PRSS48: variants seen among roughly 807,000 people sequenced by gnomAD.
PRSS48 encodes the protein epidermis-specific serine protease-like protein.
PRSS48 carries 21 observed loss-of-function variants against 25.6 expected under a neutral mutation model. The ratio of observed to expected loss-of-function variants is 0.82; its 90% CI spans 0.58 to 1.18. The LOEUF (loss-of-function observed/expected upper bound fraction) is 1.18. Ranked by LOEUF, PRSS48 falls within the 50% of genes most tolerant of loss-of-function variation. The probability of loss-of-function intolerance (pLI) is 0.00; values close to 1 mark genes in which losing one functional copy is unlikely to be tolerated. For synonymous variants in PRSS48, 150 were observed against 149.3 expected (o/e 1.00, Z -0.04); for missense variants, 373 against 399.3 (o/e 0.93, Z 0.56).
At chr4:151,278,211 T>C (rs527866058) in intron 1 of PRSS48, among the ~76,000 whole-genome samples, 1 of 152,182 alleles carries the variant, frequency 6.6e-6, no homozygotes, top group Non-Finnish European at 1.5e-5. Flanking sequence ...TAAACTAACA[T>C]ACTTCATATT....
chr4:151,280,044 A>AG, intron 2 of PRSS48, 86 bp downstream of exon 2: 1 of 763,236 alleles, frequency 1.3e-6, no homozygotes. Flanking sequence ...GACAAATGAA[A>AG]GTGGTAAAAT....
intron 3 of PRSS48, among the ~76,000 whole-genome samples, chr4:151,282,795 A>G (rs1412943475): frequency 6.6e-6 from 1 of 152,178 alleles, no homozygotes; most frequent in Non-Finnish European, 1.5e-5. Context: ...ACTGATCTAG[A>G]AGCAAAAAAC....
chr4:151,282,127 C>A (rs772742989), intron 2 of PRSS48, 21 bp from the exon 3 acceptor site: 43 of 1,611,440 alleles, frequency 2.7e-5, no homozygotes, highest in Middle Eastern at 1.7e-4. Flanking sequence ...CATAAGCAGG[C>A]CTCCTTTCTT....
At chr4:151,291,397 G>A in exon 5 of PRSS48, 3 of 1,613,998 alleles carry the variant, frequency 1.9e-6, no homozygotes, top group Non-Finnish European at 2.5e-6. Context: ...TGAAGCTGTT[G>A]CTTGCATACA....
chr4:151,286,851 G>A (rs992607286), intron 4 of PRSS48, among the ~76,000 whole-genome samples: 2 of 151,710 alleles, frequency 1.3e-5, no homozygotes, highest in African/African-American at 2.4e-5. Flanking sequence ...ATGGTGGCAT[G>A]TGCCTGTATT....
At chr4:151,279,633 G>A (rs1333367702) in intron 1 of PRSS48, among the ~76,000 whole-genome samples, 163 bp from the exon 2 acceptor site, 1 of 152,176 alleles carries the variant, frequency 6.6e-6, no homozygotes, top group Non-Finnish European at 1.5e-5. Flanking sequence ...TCTCCATTTT[G>A]AGCCCAAGAC....
rs199896407 is a variant in PRSS48, at chr4:151,282,226, C to T, written c.294C>T (p.Tyr98=). 144 of 1,613,908 alleles carry T rather than the reference C, an allele frequency of 8.9e-5. No homozygotes were observed. The Admixed American group carries it at 1.6e-3, about 18-fold the overall frequency. ...ACTCAAGGAAACGTGTGAAGTACTA[C>T]GTGTCCAAAATCGTCATCCATCCCA... Residue 98 remains tyrosine (Y), a synonymous_variant, in exon 3 of 5, where the codon TAC becomes TAT. Coordinates refer to ENST00000455694, the Ensembl canonical transcript of PRSS48.
At chr4:151,285,889 A>G (rs1044195907) in intron 4 of PRSS48, among the ~76,000 whole-genome samples, 1 of 151,796 alleles carries the variant, frequency 6.6e-6, no homozygotes, top group African/African-American at 2.4e-5. Flanking sequence ...AAATATATAT[A>G]TACATAAATA....
intron 1 of PRSS48, chr4:151,279,058 T>A: frequency 2.5e-6 from 1 of 393,564 alleles, no homozygotes; most frequent in Non-Finnish European, 4.8e-6. Flanking sequence ...GTTGTCAGTA[T>A]CCACCTCTCA....
At chr4:151,278,525 G>A (rs1432383440) in intron 1 of PRSS48, among the ~76,000 whole-genome samples, 1 of 152,092 alleles carries the variant, frequency 6.6e-6, no homozygotes, top group Non-Finnish European at 1.5e-5. Flanking sequence ...TATAGCACCT[G>A]TCTCCAACAT....
At position 151,287,232 on chromosome 4, in the gene PRSS48, T is replaced by C. The variant is rs564016173; in HGVS notation, c.652-3886T>C. 9.6e-4 allele frequency among the ~76,000 whole-genome samples: 144 copies of C among 149,258 alleles called. 1 individual carries two copies. Among genetic ancestry groups the C allele is most frequent in the African/African-American group, 3.5e-3 (141 of 40,474 alleles). On this transcript the variant is annotated intron_variant, in intron 4 of 4. Coordinates refer to ENST00000455694, the Ensembl canonical transcript of PRSS48. Reference sequence around the variant, plus strand: ...GGCTCATGCCTGTAATCCCAGCTACTGAGGAGGCTGAGGGAGGAGAATCAC... The same window carrying C: ...GGCTCATGCCTGTAATCCCAGCTACCGAGGAGGCTGAGGGAGGAGAATCAC...
At chr4:151,279,616 G>C (rs1773989429) in intron 1 of PRSS48, among the ~76,000 whole-genome samples, 180 bp from the exon 2 acceptor site, 1 of 152,146 alleles carries the variant, frequency 6.6e-6, no homozygotes, top group African/African-American at 2.4e-5. Context: ...TACAATCAGG[G>C]GAGTGGTCTC....
At chr4:151,279,239 A>AT in intron 1 of PRSS48, 8 of 203,618 alleles carry the variant, frequency 3.9e-5, no homozygotes, top group South Asian at 1.1e-4. Flanking sequence ...TTTCTTTTTC[A>AT]ATTTTTTTTT....
At chr4:151,281,613 T>G (rs1051090663) in intron 2 of PRSS48, among the ~76,000 whole-genome samples, 2 of 152,030 alleles carry the variant, frequency 1.3e-5, no homozygotes, top group Non-Finnish European at 1.5e-5. Context: ...GCTAAAAGAG[T>G]TGAAAGTCAT....
rs551798786 is a variant in PRSS48, at chr4:151,285,364, A to G, written c.651+2078A>G. On this transcript the variant is annotated intron_variant, in intron 4 of 4. Coordinates refer to ENST00000455694, the Ensembl canonical transcript of PRSS48. Reference sequence around the variant, plus strand: ...TAAACCATATGCTAAGCTGTAAAACAAGCCTCAATAAAGTTGGAAGGATTA... The same window carrying G: ...TAAACCATATGCTAAGCTGTAAAACGAGCCTCAATAAAGTTGGAAGGATTA... 3.3e-5 allele frequency among the ~76,000 whole-genome samples: 5 copies of G among 152,344 alleles called. No individual in the cohort carries two copies. The East Asian group carries it at 9.6e-4, about 29-fold the overall frequency.
chr4:151,278,303 C>T (rs1044668935), intron 1 of PRSS48, among the ~76,000 whole-genome samples: 8 of 151,990 alleles, frequency 5.3e-5, no homozygotes, highest in African/African-American at 1.9e-4. Flanking sequence ...GAGTCTCACT[C>T]TGTCACCCAG....
chr4:151,291,279 T>G (rs1385005314), exon 5 of PRSS48: 2 of 1,613,872 alleles, frequency 1.2e-6, no homozygotes, highest in African/African-American at 1.3e-5. Context: ...GAGCCAACAA[T>G]CTAGACTTCT....
intron 1 of PRSS48, among the ~76,000 whole-genome samples, chr4:151,277,902 G>A (rs764417365): frequency 3.9e-5 from 6 of 152,048 alleles, no homozygotes; most frequent in East Asian, 1.9e-4. Context: ...TTAGCCGGGC[G>A]TGGTGGCGGG....
chr4:151,291,560 G>A, downstream of PRSS48: 1 of 703,608 alleles, frequency 1.4e-6, no homozygotes, highest in Non-Finnish European at 2.3e-6. Flanking sequence ...AATGTGAAGA[G>A]TTAAGAAATA....
Sources: gnomAD v4.1 joint callset for allele counts (sites outside exome capture counted in the v4.1 genomes callset) on GRCh38, gnomAD v4.1.1 for gene constraint, MANE v1.5 for transcripts, NCBI Gene and HGNC (gene_info 2026-07-23, HGNC 2026-07-21) for gene names.